Variants in SNX5 observed in about 807,000 individuals in gnomAD.
The protein encoded by SNX5 is sorting nexin-5.
In SNX5, 31 loss-of-function variants were observed where a neutral mutation model predicts 53.9. That is an observed-to-expected ratio of 0.58 (90% CI 0.43 to 0.78). SNX5 has a LOEUF of 0.78. SNX5 is among the 30% of genes least tolerant of loss of function. The pLI, the probability that SNX5 is intolerant of heterozygous loss-of-function variation, is 0.00. For synonymous variants in SNX5, 168 were observed against 171.1 expected, an observed-to-expected ratio of 0.98 and a Z score of 0.14; for missense variants, 471 against 478.8, an observed-to-expected ratio of 0.98 and a Z score of 0.15.
At chr20:17,953,733 A>G (rs934178620) in intron 4 of SNX5, among the ~76,000 whole-genome samples, 4 of 152,210 alleles carry the variant, frequency 2.6e-5, no homozygotes, top group African/African-American at 7.2e-5. Context: ...AGCATCCTTA[A>G]TAAGTATGCC....
chr20:17,959,621 A>T (rs1485269877), intron 1 of SNX5, among the ~76,000 whole-genome samples: 1 of 152,038 alleles, frequency 6.6e-6, no homozygotes, highest in Non-Finnish European at 1.5e-5. Flanking sequence ...TATTGGCAAA[A>T]CCCCTCAGCA....
chr20:17,956,871 T>C, intron 2 of SNX5, 62 bp downstream of exon 2: 2 of 858,394 alleles, frequency 2.3e-6, no homozygotes, highest in South Asian at 1.3e-5. Flanking sequence ...TCTTCTCACA[T>C]CCACTGTGAA....
chr20:17,960,601 A>G (rs2122408670), intron 1 of SNX5, among the ~76,000 whole-genome samples: 1 of 148,750 alleles, frequency 6.7e-6, no homozygotes, highest in Non-Finnish European at 1.5e-5. Context: ...TCTTAAAAAA[A>G]CAAACAAACA....
intron 2 of SNX5, among the ~76,000 whole-genome samples, chr20:17,955,878 C>CT (rs1784219552): frequency 6.6e-6 from 1 of 152,232 alleles, no homozygotes; most frequent in Non-Finnish European, 1.5e-5. Context: ...ACTGCAACCT[C>CT]TGCCTTCCAG....
chr20:17,947,539 T>C lies in SNX5; in HGVS notation c.1025A>G (p.His342Arg). ...KSKDVKLAEA[H>R]QQECCQKFEQ... ...AAATTTCTGGCAGCACTCCTGCTGGTGTGCCTCAGCCAACTTGACGTCTTT... is the reference window on the plus strand; with the variant it reads ...AAATTTCTGGCAGCACTCCTGCTGGCGTGCCTCAGCCAACTTGACGTCTTT... The change falls in exon 11 of 13, where the codon CAC becomes CGC. Residue 342 changes from histidine to arginine, a missense_variant. Transcript: ENST00000377759. The C allele has an allele frequency of 6.2e-7, 1 of 1,613,978 alleles. No homozygotes were observed. Among genetic ancestry groups the C allele is most frequent in the Non-Finnish European group, 8.5e-7 (1 of 1,179,822 alleles).
rs2039543156 is a variant in SNX5 at position 17,950,058 on chromosome 20, C to A, written c.791+74G>T. 6 of 1,288,634 alleles carry A rather than the reference C, an allele frequency of 4.7e-6. No individual in the cohort carries two copies. In the South Asian group the frequency reaches 6.0e-5, roughly 13 times the overall value. 79.8% of individuals were successfully genotyped at this position (1,288,634 alleles called of 1,614,324 possible). A position where few individuals can be genotyped will look rare whatever the true frequency, so the allele number is the denominator to read the frequency against. On this transcript the variant is annotated intron_variant, in intron 8 of 12. Coordinates refer to ENST00000377759, the MANE Select transcript of SNX5 (RefSeq NM_014426.4). ...AGAGCAGGACCATGTAGTCACTACT[C>A]ATTTATGCTTTTAATTACACCACTC...
intron 12 of SNX5, 85 bp downstream of exon 12, chr20:17,943,025 G>A (rs2039438684): frequency 6.6e-6 from 6 of 906,680 alleles, no homozygotes; most frequent in Non-Finnish European, 1.1e-5. Context: ...CACCCCAACT[G>A]CCTGATGACA....
chr20:17,951,254 C>T lies in SNX5; in HGVS notation c.609+246G>A, dbSNP rs189873639. ...AGAAATTAACTGAGTAATCTCCCTC[C>T]TTACAGAAAAGGAGAAAATGAAGCC... On this transcript the variant is annotated intron_variant, in intron 6 of 12. Transcript: ENST00000377759. The T allele has an allele frequency of 1.1e-5, 5 of 453,670 alleles. No individual in the cohort carries two copies. The Admixed American group carries it at 1.8e-4, about 16-fold the overall frequency. 28.1% of individuals were successfully genotyped at this position (453,670 alleles called of 1,614,324 possible).
intron 1 of SNX5, among the ~76,000 whole-genome samples, chr20:17,967,528 C>A (rs34208662): frequency 0.061 from 9,329 of 152,116 alleles, 425 homozygotes; most frequent in Non-Finnish European, 0.095. Flanking sequence ...TAAGACGGCT[C>A]CAAATTACAT....
In SNX5 at chr20:17,951,572, A is replaced by C. The variant is rs760421737; in HGVS notation, c.537T>G (p.Thr179=). The C allele has an allele frequency of 1.9e-6, 3 of 1,612,160 alleles. No homozygotes were observed. The highest frequency in any genetic ancestry group is 2.2e-5 in the South Asian group (2 of 91,014). Residue 179 remains threonine (T), a synonymous_variant, in exon 6 of 13, where the codon ACT becomes ACG. Transcript: ENST00000377759. ...TGAAGAAGCCACCAAACATCTCTTTAGTATTTTTCCGCCTAACACTTAGCT... is the reference window on the plus strand; with the variant it reads ...TGAAGAAGCCACCAAACATCTCTTTCGTATTTTTCCGCCTAACACTTAGCT... ...DQDLSVRRKN[T]KEMFGGFFKS...
At chr20:17,962,904 T>C (rs369110595) in intron 1 of SNX5, 3 of 518,892 alleles carry the variant, frequency 5.8e-6, no homozygotes, top group South Asian at 1.4e-5. Flanking sequence ...AGAAGGTCAG[T>C]GCAGCGCACT....
chr20:17,958,392 CTAAA>C (rs1282068474), intron 1 of SNX5, among the ~76,000 whole-genome samples: 1 of 152,182 alleles, frequency 6.6e-6, no homozygotes, highest in Non-Finnish European at 1.5e-5. Flanking sequence ...TATAAAAAGA[CTAAA>C]TATATTCACT....
chr20:17,961,496 GT>G, intron 1 of SNX5: 18 of 985,382 alleles, frequency 1.8e-5, no homozygotes, highest in Non-Finnish European at 1.9e-5. Flanking sequence ...ATTGGGGCTA[GT>G]TGAACAGTCA....
chr20:17,942,636 G>T (rs947760336), intron 12 of SNX5: 3 of 570,890 alleles, frequency 5.3e-6, no homozygotes, highest in Non-Finnish European at 9.4e-6. Context: ...AAGAGCCGAC[G>T]TTCACTCCAG....
intron 3 of SNX5, 116 bp downstream of exon 3, chr20:17,955,249 G>A: frequency 1.5e-6 from 1 of 683,120 alleles, no homozygotes; most frequent in Non-Finnish European, 2.5e-6. Context: ...TACTCCAGTA[G>A]GTAGATGAAA....
intron 5 of SNX5, 95 bp from the exon 6 acceptor site, chr20:17,951,690 TCAGTACAGG>T: frequency 1.2e-6 from 1 of 847,054 alleles, no homozygotes; most frequent in Non-Finnish European, 2.0e-6. Flanking sequence ...ATCCTCTTTA[TCAGTACAGG>T]CAAATGCATA....
At chr20:17,950,662 C>T (rs1004914912) in intron 6 of SNX5, among the ~76,000 whole-genome samples, 1 of 152,214 alleles carries the variant, frequency 6.6e-6, no homozygotes, top group Non-Finnish European at 1.5e-5. Context: ...AGCAATTTTA[C>T]GCTAGTACAA....
At chr20:17,955,942 T>C (rs1247482342) in intron 2 of SNX5, among the ~76,000 whole-genome samples, 1 of 152,162 alleles carries the variant, frequency 6.6e-6, no homozygotes, top group African/African-American at 2.4e-5. Context: ...ACTACAGGTG[T>C]GTGCTACCAC....
rs1206332374 is a variant in SNX5, at chr20:17,957,023, A to G, written c.66T>C (p.Ser22=). The change falls in exon 2 of 13, where the codon TCT becomes TCC. Residue 22 remains serine (S), a synonymous_variant. Coordinates refer to ENST00000377759, the MANE Select transcript of SNX5 (RefSeq NM_014426.4). ...GCGAGGGATCAACATTCAGGTCCACAGATACAGATCTCAGCTGAAATACAT... is the reference window on the plus strand; with the variant it reads ...GCGAGGGATCAACATTCAGGTCCACGGATACAGATCTCAGCTGAAATACAT... ...EEDRSKLRSV[S]VDLNVDPSLQ... The G allele has an allele frequency of 3.1e-6, 5 of 1,591,046 alleles. No individual in the cohort carries two copies. Among genetic ancestry groups the G allele is most frequent in the Middle Eastern group, 1.7e-4 (1 of 6,010 alleles).
Sources: gnomAD v4.1 joint callset for allele counts (sites outside exome capture counted in the v4.1 genomes callset) on GRCh38, gnomAD v4.1.1 for gene constraint, MANE v1.5 for transcripts, NCBI Gene and HGNC (gene_info 2026-07-23, HGNC 2026-07-21) for gene names.